THSD4: variants seen among roughly 807,000 people sequenced by gnomAD.
THSD4 encodes the protein thrombospondin type-1 domain-containing protein 4.
Under a neutral mutation model 119.0 loss-of-function variants are expected in THSD4, and 69 were observed. The ratio of observed to expected loss-of-function variants is 0.58; its 90% CI spans 0.48 to 0.71. THSD4 has a LOEUF of 0.71. Ranked by LOEUF, THSD4 falls within the 30% of genes least tolerant of loss-of-function variation. The pLI is 0.00. For missense variants in THSD4, 1,393 were observed against 1,391.1 expected (o/e 1.00, Z -0.02); for synonymous variants, 524 against 540.4 (o/e 0.97, Z 0.42).
At chr15:71,427,297 C>G (rs1420571274) in intron 7 of THSD4, among the ~76,000 whole-genome samples, 2 of 91,070 alleles carry the variant, frequency 2.2e-5, no homozygotes, top group Non-Finnish European at 5.6e-5. Flanking sequence ...AAGATGAACA[C>G]AGTTTCTACT....
intron 4 of THSD4, among the ~76,000 whole-genome samples, chr15:71,225,595 G>A (rs190696384): frequency 1.2e-3 from 170 of 146,794 alleles, no homozygotes; most frequent in Non-Finnish European, 2.0e-3. Context: ...TTGCCCAGGC[G>A]GGAGTGCAGT....
intron 6 of THSD4, among the ~76,000 whole-genome samples, chr15:71,387,894 A>G (rs920809651): frequency 2.6e-5 from 4 of 152,162 alleles, no homozygotes; most frequent in African/African-American, 9.7e-5. Flanking sequence ...TCCCTTGGCC[A>G]GGGGACCTCT....
chr15:71,756,077 C>G (rs12909288), intron 14 of THSD4, among the ~76,000 whole-genome samples: 13,219 of 152,160 alleles, frequency 0.087, 751 homozygotes, highest in Middle Eastern at 0.16. Flanking sequence ...TATAGAAAAC[C>G]CTTAATGCTA....
intron 7 of THSD4, among the ~76,000 whole-genome samples, chr15:71,436,547 C>T (rs1024500282): frequency 1.2e-4 from 19 of 152,136 alleles, no homozygotes; most frequent in African/African-American, 4.6e-4. Flanking sequence ...GGGGTTCCCT[C>T]GAATCTGGCT....
chr15:71,393,318 A>T (rs879586376), intron 6 of THSD4, among the ~76,000 whole-genome samples: 3 of 151,964 alleles, frequency 2.0e-5, no homozygotes, highest in Non-Finnish European at 2.9e-5. Flanking sequence ...CTGCGGCCTG[A>T]ATGGGATGAA....
At chr15:71,656,565 T>C (rs2051197140) in intron 7 of THSD4, among the ~76,000 whole-genome samples, 1 of 152,192 alleles carries the variant, frequency 6.6e-6, no homozygotes, top group Non-Finnish European at 1.5e-5. Flanking sequence ...CCAGGCTTCA[T>C]GGTAACTATG....
chr15:71,313,884 G>A (rs2045149196), intron 6 of THSD4, among the ~76,000 whole-genome samples: 1 of 152,112 alleles, frequency 6.6e-6, no homozygotes, highest in Admixed American at 6.5e-5. Context: ...GAGGGCTTAG[G>A]TAGTTAGAAA....
At chr15:71,341,546 T>C in intron 6 of THSD4, 2 of 1,610,070 alleles carry the variant, frequency 1.2e-6, no homozygotes, top group Non-Finnish European at 8.5e-7. Flanking sequence ...TGGTACACAC[T>C]GTTTCTGTAA....
chr15:71,436,469 A>G (rs2140544388), intron 7 of THSD4, among the ~76,000 whole-genome samples: 1 of 152,348 alleles, frequency 6.6e-6, no homozygotes, highest in South Asian at 2.1e-4. Flanking sequence ...CTACTTAACC[A>G]GATTTCACAA....
At chr15:71,570,431 G>A (rs577581167) in intron 7 of THSD4, among the ~76,000 whole-genome samples, 1 of 150,452 alleles carries the variant, frequency 6.6e-6, no homozygotes, top group East Asian at 2.0e-4. Flanking sequence ...TTTTGAGATG[G>A]AGTCTTGTTA....
At chr15:71,330,608 G>C (rs1378754941) in intron 6 of THSD4, among the ~76,000 whole-genome samples, 1 of 152,126 alleles carries the variant, frequency 6.6e-6, no homozygotes, top group Admixed American at 6.5e-5. Context: ...ATGACATAAG[G>C]CATGTAAATC....
At chr15:71,656,208 A>G (rs556553287) in intron 7 of THSD4, among the ~76,000 whole-genome samples, 1 of 152,286 alleles carries the variant, frequency 6.6e-6, no homozygotes, top group South Asian at 2.1e-4. Context: ...AATACAAACA[A>G]GGCCTATTCT....
At chr15:71,124,427 A>G (rs1367779185) in intron 1 of THSD4, among the ~76,000 whole-genome samples, 1 of 152,190 alleles carries the variant, frequency 6.6e-6, no homozygotes, top group Non-Finnish European at 1.5e-5. Flanking sequence ...GAGTTTGTGG[A>G]CCCCTGGTCT....
At chr15:71,171,631 A>C (rs901070867) in intron 3 of THSD4, among the ~76,000 whole-genome samples, 3 of 152,200 alleles carry the variant, frequency 2.0e-5, no homozygotes, top group Non-Finnish European at 4.4e-5. Flanking sequence ...GTTTCTCCTA[A>C]ATTAAGCATC....
intron 7 of THSD4, among the ~76,000 whole-genome samples, chr15:71,648,735 T>C (rs1357416604): frequency 6.6e-6 from 1 of 152,152 alleles, no homozygotes; most frequent in Non-Finnish European, 1.5e-5. Flanking sequence ...CCTCCCCTGT[T>C]GGTAGAGAAG....
intron 7 of THSD4, among the ~76,000 whole-genome samples, chr15:71,600,412 T>C (rs2049984429): frequency 6.6e-6 from 1 of 152,258 alleles, no homozygotes; most frequent in Non-Finnish European, 1.5e-5. Context: ...ACATGACCTT[T>C]ACTCTTCTGT....
chr15:71,748,374 A>G (rs1225332599), intron 13 of THSD4, 47 bp from the exon 14 acceptor site: 2 of 1,607,106 alleles, frequency 1.2e-6, no homozygotes, highest in Non-Finnish European at 1.7e-6. Context: ...ATTCTCTCCC[A>G]GAGCTGAAGC....
At chr15:71,554,105 T>TTTTC (rs386383439) in intron 7 of THSD4, among the ~76,000 whole-genome samples, 1 of 150,196 alleles carries the variant, frequency 6.7e-6, no homozygotes, top group Non-Finnish European at 1.5e-5. Flanking sequence ...GTTTTTTTTT[T>TTTTC]TTCAGATGGA....
At chr15:71,424,031 C>T (rs1171377349) in intron 7 of THSD4, among the ~76,000 whole-genome samples, 17 of 152,184 alleles carry the variant, frequency 1.1e-4, no homozygotes. Flanking sequence ...CTCTGCACCC[C>T]ATGGCTGCTG....
Sources: allele counts gnomAD v4.1 joint callset (sites outside exome capture counted in the v4.1 genomes callset), GRCh38; gene constraint gnomAD v4.1.1; transcripts MANE v1.5; gene names NCBI Gene and HGNC (gene_info 2026-07-23, HGNC 2026-07-21).